WDR36: variants seen among roughly 807,000 people sequenced by gnomAD.
The protein encoded by WDR36 is WD repeat-containing protein 36.
A neutral mutation model predicts 112.7 loss-of-function variants in WDR36; 63 were observed. The ratio of observed to expected loss-of-function variants is 0.56; its 90% confidence interval spans 0.46 to 0.69. WDR36 has a LOEUF of 0.69. Ranked by LOEUF, WDR36 falls within the 30% of genes least tolerant of loss-of-function variation. The pLI is 0.00. For missense variants in WDR36, 1,226 were observed against 1,070.3 expected, an observed-to-expected ratio of 1.15 and a Z score of -2.03; for synonymous variants, 410 against 362.2, an observed-to-expected ratio of 1.13 and a Z score of -1.50.
chr5:111,098,019 A>C (rs1202872051), intron 3 of WDR36, among the ~76,000 whole-genome samples: 1 of 152,176 alleles, frequency 6.6e-6, no homozygotes, highest in African/African-American at 2.4e-5. Flanking sequence ...ACTTTATCCT[A>C]TATGTATAAC....
intron 16 of WDR36, among the ~76,000 whole-genome samples, chr5:111,115,522 A>G (rs757887550): frequency 3.3e-5 from 5 of 152,146 alleles, no homozygotes; most frequent in Non-Finnish European, 5.9e-5. Context: ...CTTTCTTAAC[A>G]CTTATGTTAT....
chr5:111,120,863 G>A (rs1003238787), intron 18 of WDR36, 133 bp from the exon 19 acceptor site: 10 of 861,590 alleles, frequency 1.2e-5, no homozygotes, highest in Non-Finnish European at 1.6e-5. Context: ...ACAGGGATAA[G>A]TAAATGAAAT....
intron 19 of WDR36, among the ~76,000 whole-genome samples, chr5:111,122,180 C>T (rs183434945): frequency 6.6e-6 from 1 of 152,062 alleles, no homozygotes; most frequent in Non-Finnish European, 1.5e-5. Flanking sequence ...CACACATCAG[C>T]TTTAAAGGGA....
intron 18 of WDR36, among the ~76,000 whole-genome samples, 191 bp downstream of exon 18, chr5:111,120,784 A>G (rs1190799299): frequency 6.6e-6 from 1 of 152,162 alleles, no homozygotes; most frequent in Admixed American, 6.5e-5. Context: ...ATCAAATAGT[A>G]TACCATTGAA....
intron 8 of WDR36, 60 bp downstream of exon 8, chr5:111,104,412 A>C (rs909136221): frequency 1.2e-6 from 2 of 1,601,716 alleles, no homozygotes; most frequent in African/African-American, 2.7e-5. Context: ...GGGTTATTAC[A>C]AGCTTGTTTT....
chr5:111,103,118 A>G (rs1348382223), intron 6 of WDR36, among the ~76,000 whole-genome samples: 1 of 151,724 alleles, frequency 6.6e-6, no homozygotes, highest in Admixed American at 6.6e-5. Context: ...ATTTCTACAC[A>G]GGGTCTCATG....
Position 111,109,493 on chromosome 5 carries a change from A to T in WDR36, c.1327-696A>T, listed in dbSNP as rs1326464048. Among the ~76,000 whole-genome samples the T allele has an allele frequency of 2.6e-5, 4 of 151,514 alleles. No individual in the cohort carries two copies. The East Asian group carries it at 5.8e-4, about 22-fold the overall frequency. ...ACTTTCTACTTAGTTTGTATAAGTC[A>T]TCTGTTTAGATGTAAATTGAATTAT... On this transcript the variant is annotated intron_variant, in intron 12 of 22. Transcript: ENST00000513710.
intron 12 of WDR36, among the ~76,000 whole-genome samples, chr5:111,108,640 G>T (rs570066542): frequency 6.6e-6 from 1 of 151,408 alleles, no homozygotes; most frequent in East Asian, 1.9e-4. Context: ...TGATTACTTT[G>T]TTCCAGGCTT....
intron 21 of WDR36, 21 bp downstream of exon 21, chr5:111,124,210 T>C (rs1561710921): frequency 6.4e-7 from 1 of 1,563,360 alleles, no homozygotes; most frequent in Non-Finnish European, 8.8e-7. Flanking sequence ...TTATAAGATA[T>C]TTTAACTAAT....
chr5:111,129,484 C>T lies in WDR36; in HGVS notation c.*2601C>T. The T allele has an allele frequency of 5.2e-6, 1 of 192,800 alleles. No individual in the cohort carries two copies. Among genetic ancestry groups the T allele is most frequent in the Admixed American group, 6.1e-5 (1 of 16,392 alleles). 11.9% of individuals were successfully genotyped at this position (192,800 alleles called of 1,614,324 possible). A position where few individuals can be genotyped will look rare whatever the true frequency, so the allele number is the denominator to read the frequency against. On this transcript the variant is annotated 3_prime_UTR_variant, in exon 23 of 23. Transcript: ENST00000513710. ...GAAATTTCTCACTAGTGAAGATGGACATATTTTTGTATGTTTATTTTAGAA... is the reference window on the plus strand; with the variant it reads ...GAAATTTCTCACTAGTGAAGATGGATATATTTTTGTATGTTTATTTTAGAA...
rs1168128618 is a variant in WDR36, at chr5:111,111,209, T to C, written c.1647T>C (p.Ser549=). The change falls in exon 15 of 23, where the codon AGT becomes AGC. Residue 549 remains serine (S), a synonymous_variant. Coordinates refer to ENST00000513710, the MANE Select transcript of WDR36 (RefSeq NM_139281.3). ...LGLALDDFSI[S]VLDIETRKIV... ...TCGCCTTGGATGACTTCTCCATTAGTGTTCTGGACATAGAAACTAGGAAGA... is the reference window on the plus strand; with the variant it reads ...TCGCCTTGGATGACTTCTCCATTAGCGTTCTGGACATAGAAACTAGGAAGA... 1.2e-6 allele frequency: 2 copies of C among 1,611,908 alleles called. No homozygotes were observed. Among genetic ancestry groups the C allele is most frequent in the Non-Finnish European group, 8.5e-7 (1 of 1,178,312 alleles).
In WDR36 at chr5:111,104,335, G is replaced by C. The variant is rs142687756; in HGVS notation, c.889G>C (p.Ala297Pro). Residue 297 changes from alanine to proline, a missense_variant, in exon 8 of 23, where the codon GCT becomes CCT. Ala to Pro is a conservative substitution (Grantham distance 27). Transcript: ENST00000513710. ...AGAGCCACTTCTTGTCACAAATGGC[G>C]CTGACAATGCTCTTAGGGTATTATG... ...HREPLLVTNG[A>P]DNALRIWIFD... 2 of 1,611,634 alleles carry C rather than the reference G, an allele frequency of 1.2e-6. No individual in the cohort carries two copies. Among genetic ancestry groups the C allele is most frequent in the African/African-American group, 2.7e-5 (2 of 74,720 alleles).
chr5:111,109,312 AT>A (rs1753279574), intron 12 of WDR36, among the ~76,000 whole-genome samples: 1 of 151,416 alleles, frequency 6.6e-6, no homozygotes, highest in South Asian at 2.1e-4. Context: ...AACCATAGTA[AT>A]TTCCCATCTA....
Position 111,098,764 on chromosome 5 carries a change from T to C in WDR36, c.334T>C (p.Leu112=), listed in dbSNP as rs150299003. ...GGGTCATAAGGCAGAAATCCATTTC[T>C]TGCAACCCTTTGGAGACCACATTAT... is the stretch of plus-strand genomic sequence containing the variant. ...FKGHKAEIHF[L]QPFGDHIISV... is the part of the protein sequence containing the mutation. The change falls in exon 4 of 23, where the codon TTG becomes CTG. Residue 112 remains leucine (L), a synonymous_variant. Transcript: ENST00000513710. 152 of 1,612,712 alleles carry C rather than the reference T, an allele frequency of 9.4e-5. No individual in the cohort carries two copies. Among genetic ancestry groups the C allele is most frequent in the Non-Finnish European group, 1.2e-4 (143 of 1,179,020 alleles).
chr5:111,100,583 T>C lies in WDR36; in HGVS notation c.410-6T>C. The C allele has an allele frequency of 2.0e-6, 3 of 1,529,302 alleles. No homozygotes were observed. In the South Asian group the frequency reaches 3.7e-5, roughly 19 times the overall value. The allele number at this position is 1,529,302 out of a possible 1,614,324, so 94.7% of individuals were successfully genotyped here. On this transcript the variant is annotated splice_polypyrimidine_tract_variant and splice_region_variant and intron_variant, in intron 4 of 22. Transcript: ENST00000513710. ...TAAAAAATATTTATAACTTTCACTT[T>C]TGTAGAAGAATACCTGCAGTTGACT...
chr5:111,122,519 TC>T (rs758608502), intron 19 of WDR36, among the ~76,000 whole-genome samples: 17 of 152,192 alleles, frequency 1.1e-4, no homozygotes, highest in Non-Finnish European at 2.1e-4. Context: ...ACTGTGGAGT[TC>T]CTCCAAAGCC....
At chr5:111,102,673 A>G (rs1005035665) in intron 6 of WDR36, among the ~76,000 whole-genome samples, 11 of 151,702 alleles carry the variant, frequency 7.3e-5, no homozygotes, top group African/African-American at 2.2e-4. Context: ...TTTTGCAAGT[A>G]TATGTAGTCC....
At chr5:111,103,999 G>C in intron 7 of WDR36, 81 bp downstream of exon 7, 1 of 1,548,590 alleles carries the variant, frequency 6.5e-7, no homozygotes, top group Non-Finnish European at 8.8e-7. Flanking sequence ...TTTGTCTTCT[G>C]GTAGCTTAAT....
Position 111,103,887 on chromosome 5 carries a change from G to A in WDR36, c.699G>A (p.Trp233Ter), listed in dbSNP as rs1431880434. The part of the protein sequence containing the change: ...NETLMKFRQD[W>*]GPITSISFRT... ...CATTAATGAAGTTTCGTCAAGACTG[G>A]GGACCCATTACTTCAATTTCATTTC... Residue 233 changes from tryptophan (W) to a stop codon, truncating the protein, a stop_gained, in exon 7 of 23, where the codon TGG (tryptophan) becomes TGA (stop). Transcript: ENST00000513710. LOFTEE classifies it high-confidence loss of function. 2.5e-6 allele frequency: 4 copies of A among 1,611,008 alleles called. No individual in the cohort carries two copies. The highest frequency in any genetic ancestry group is 3.4e-6 in the Non-Finnish European group (4 of 1,178,162).
Sources: gnomAD v4.1 joint callset for allele counts (sites outside exome capture counted in the v4.1 genomes callset) on GRCh38, gnomAD v4.1.1 for gene constraint, MANE v1.5 for transcripts, NCBI Gene and HGNC (gene_info 2026-07-23, HGNC 2026-07-21) for gene names.